The following OR4N2 variants were observed in gnomAD, a reference collection of about 807,000 sequenced individuals.
OR4N2 encodes olfactory receptor 4N2.
For synonymous variants in OR4N2, 141 were observed against 140.4 expected (o/e 1.00, Z -0.03); for missense variants, 307 against 377.6 (o/e 0.81, Z 1.55).
At chr14:19,820,236 C>T (rs1485221692) in intron 1 of OR4N2, among the ~76,000 whole-genome samples, 2 of 152,244 alleles carry the variant, frequency 1.3e-5, no homozygotes, top group African/African-American at 4.8e-5. Context: ...TCTGCTGGAT[C>T]TCCTGGATTC....
chr14:19,814,644 A>G (rs1713658529), intron 1 of OR4N2, among the ~76,000 whole-genome samples: 1 of 152,272 alleles, frequency 6.6e-6, no homozygotes, highest in African/African-American at 2.4e-5. Flanking sequence ...AACCTGAGGC[A>G]ACAGGAAAAA....
Position 19,828,392 on chromosome 14 carries a change from A to T in OR4N2, c.*20A>T. 1 of 1,557,164 alleles carries T rather than the reference A, an allele frequency of 6.4e-7. No individual in the cohort carries two copies. Among genetic ancestry groups the T allele is most frequent in the Non-Finnish European group, 8.7e-7 (1 of 1,152,254 alleles). On this transcript the variant is annotated 3_prime_UTR_variant, in exon 2 of 2. Coordinates refer to ENST00000557677, the MANE Select transcript of OR4N2 (RefSeq NM_001004723.3). Reference sequence around the variant, plus strand: ...GCCTGAAAAAGGGCGCAAAAAAAAAAAGAATAAAAATAGACTGTAGAATTT... The same window carrying T: ...GCCTGAAAAAGGGCGCAAAAAAAAATAGAATAAAAATAGACTGTAGAATTT...
intron 1 of OR4N2, chr14:19,822,275 GT>G (rs1334068116): frequency 6.6e-6 from 1 of 152,222 alleles, no homozygotes; most frequent in Non-Finnish European, 1.5e-5. Context: ...TTGACATCTG[GT>G]GTTAAAAACC....
intron 1 of OR4N2, among the ~76,000 whole-genome samples, chr14:19,812,238 A>G (rs576340324): frequency 6.6e-6 from 1 of 152,088 alleles, no homozygotes; most frequent in South Asian, 2.1e-4. Context: ...ATTAGAAGTC[A>G]TGCCATAGAA....
At chr14:19,804,062 A>C (rs1205581372) in intron 1 of OR4N2, among the ~76,000 whole-genome samples, 5 of 152,122 alleles carry the variant, frequency 3.3e-5, no homozygotes, top group African/African-American at 1.2e-4. Flanking sequence ...GTCATTTCTG[A>C]CTGTGTTTAT....
chr14:19,817,238 A>G (rs1369219494), intron 1 of OR4N2, among the ~76,000 whole-genome samples: 2 of 151,954 alleles, frequency 1.3e-5, no homozygotes, highest in African/African-American at 2.4e-5. Flanking sequence ...CTCTTTTTCT[A>G]TTGTTTGTAA....
chr14:19,810,825 C>T (rs137994579), intron 1 of OR4N2, among the ~76,000 whole-genome samples: 175 of 152,256 alleles, frequency 1.1e-3, no homozygotes, highest in African/African-American at 4.1e-3. Flanking sequence ...AACACACAAA[C>T]TACCAATATT....
intron 1 of OR4N2, among the ~76,000 whole-genome samples, chr14:19,809,418 C>T (rs1341417121): frequency 6.6e-6 from 1 of 152,128 alleles, no homozygotes; most frequent in East Asian, 1.9e-4. Flanking sequence ...GAGTAACCTA[C>T]AGAATGGGAG....
Position 19,829,976 on chromosome 14 carries a change from A to C in OR4N2, c.*1604A>C, listed in dbSNP as rs1166798656. 1 of 152,370 alleles carries C rather than the reference A, an allele frequency of 6.6e-6. No individual in the cohort carries two copies. Among genetic ancestry groups the C allele is most frequent in the South Asian group, 2.1e-4 (1 of 4,844 alleles). 9.4% of individuals were successfully genotyped at this position (152,370 alleles called of 1,614,324 possible). On this transcript the variant is annotated 3_prime_UTR_variant, in exon 2 of 2. Coordinates refer to ENST00000557677, the MANE Select transcript of OR4N2 (RefSeq NM_001004723.3). ...TCCTTAATCTCCCATCACTACCACTATACAACCTGCATCTGTGATTAAGTT... is the reference window on the plus strand; with the variant it reads ...TCCTTAATCTCCCATCACTACCACTCTACAACCTGCATCTGTGATTAAGTT...
At chr14:19,812,329 C>CTTTTTTTTTTTTTTTTTTTTTTTTTTT (rs3078143) in intron 1 of OR4N2, among the ~76,000 whole-genome samples, 64 of 117,388 alleles carry the variant, frequency 5.5e-4, no homozygotes, top group East Asian at 1.8e-3. Context: ...CTTTTCTTTT[C>CTTTTTTTTTTTTTTTTTTTTTTTTTTT]TTTTTTTTTT....
intron 1 of OR4N2, among the ~76,000 whole-genome samples, chr14:19,806,507 T>C (rs916414385): frequency 5.3e-5 from 8 of 152,172 alleles, no homozygotes; most frequent in Non-Finnish European, 8.8e-5. Flanking sequence ...AAGGGTTCAA[T>C]TCAACAAGAA....
At chr14:19,823,555 T>G (rs1164427512) in intron 1 of OR4N2, among the ~76,000 whole-genome samples, 1 of 152,362 alleles carries the variant, frequency 6.6e-6, no homozygotes, top group East Asian at 1.9e-4. Context: ...TTTTGTTTTG[T>G]TTTGTTTTTA....
At chr14:19,807,503 A>G (rs1223310657) in intron 1 of OR4N2, among the ~76,000 whole-genome samples, 1 of 152,104 alleles carries the variant, frequency 6.6e-6, no homozygotes, top group Non-Finnish European at 1.5e-5. Context: ...AATTCATGGA[A>G]ACACACAATC....
chr14:19,828,018 C>G lies in OR4N2; in HGVS notation c.570C>G (p.Thr190=), dbSNP rs144784218. ...CACAGGTCATCAAGCTGGCCTGCAC[C>G]GACACATTTGTGGTGGAGCTTCTGA... ...DVPQVIKLAC[T]DTFVVELLMV... The change falls in exon 2 of 2, where the codon ACC becomes ACG. Residue 190 remains threonine, a synonymous_variant. Transcript: ENST00000557677. The G allele has an allele frequency of 3.6e-3, 5,796 of 1,613,278 alleles. 12 individuals carry two copies. Among genetic ancestry groups the G allele is most frequent in the South Asian group, 0.023 (2,130 of 90,800 alleles).
intron 1 of OR4N2, among the ~76,000 whole-genome samples, chr14:19,818,194 C>A (rs376687852): frequency 6.6e-6 from 1 of 152,218 alleles, no homozygotes; most frequent in African/African-American, 2.4e-5. Context: ...TTGTAGATGT[C>A]TATTAGGTCT....
rs546982163 is a variant in OR4N2, at chr14:19,829,388, T to C, written c.*1016T>C. 2 of 152,408 alleles carry C rather than the reference T, an allele frequency of 1.3e-5. No homozygotes were observed. Among genetic ancestry groups the C allele is most frequent in the African/African-American group, 4.8e-5 (2 of 41,598 alleles). The allele number at this position is 152,408 out of a possible 1,614,324, so 9.4% of individuals were successfully genotyped here. A position where few individuals can be genotyped will look rare whatever the true frequency, so the allele number is the denominator to read the frequency against. ...CAGAGACAAGAAACCATTCTAGCTA[T>C]TTTAAACAAAACATCATTTAATATC... On this transcript the variant is annotated 3_prime_UTR_variant, in exon 2 of 2. Transcript: ENST00000557677.
chr14:19,816,515 G>T (rs1470403664), intron 1 of OR4N2, among the ~76,000 whole-genome samples: 1 of 152,208 alleles, frequency 6.6e-6, no homozygotes, highest in African/African-American at 2.4e-5. Context: ...TGGTGTATAG[G>T]AATGTTTGTA....
intron 1 of OR4N2, among the ~76,000 whole-genome samples, chr14:19,824,206 G>C (rs1157653167): frequency 6.6e-6 from 1 of 151,824 alleles, no homozygotes; most frequent in East Asian, 1.9e-4. Flanking sequence ...TTTTTTGGCA[G>C]AAACTTATTT....
chr14:19,804,574 A>G (rs1323134917), intron 1 of OR4N2, among the ~76,000 whole-genome samples: 1 of 152,158 alleles, frequency 6.6e-6, no homozygotes, highest in Admixed American at 6.5e-5. Flanking sequence ...GGTTTGTATG[A>G]TTTTGGATTT....
Sources: allele counts gnomAD v4.1 joint callset (sites outside exome capture counted in the v4.1 genomes callset), GRCh38; gene constraint gnomAD v4.1.1; transcripts MANE v1.5; gene names NCBI Gene and HGNC (gene_info 2026-07-23, HGNC 2026-07-21).